FGD2: variants seen among roughly 807,000 people sequenced by gnomAD.
The protein encoded by FGD2 is FYVE, RhoGEF and PH domain containing 2.
A neutral mutation model predicts 75.9 loss-of-function variants in FGD2; 52 were observed. That is an observed-to-expected ratio of 0.69 (90% CI 0.55 to 0.86). The LOEUF is 0.86. Ranked by LOEUF, FGD2 falls within the 40% of genes least tolerant of loss-of-function variation. FGD2 has a pLI of 0.00. For synonymous variants in FGD2, 347 were observed against 348.6 expected (o/e 1.00, Z 0.05); for missense variants, 790 against 872.0 (o/e 0.91, Z 1.18).
intron 1 of FGD2, among the ~76,000 whole-genome samples, chr6:37,006,537 G>A (rs1270479170): frequency 6.6e-6 from 1 of 152,200 alleles, no homozygotes; most frequent in Non-Finnish European, 1.5e-5. Flanking sequence ...CAATGCTGGG[G>A]CGTCTGTCTG....
chr6:37,005,985 C>G, intron 1 of FGD2, 100 bp downstream of exon 1: 1 of 1,334,990 alleles, frequency 7.5e-7, no homozygotes. Context: ...GGACCCTCCT[C>G]CTGCAGGGGC....
chr6:37,007,840 G>A (rs1764824535), intron 1 of FGD2, among the ~76,000 whole-genome samples: 1 of 152,198 alleles, frequency 6.6e-6, no homozygotes, highest in Admixed American at 6.5e-5. Context: ...AGGGGTGGGA[G>A]AGCCTGGGAG....
chr6:37,009,267 A>C (rs1450531552), intron 2 of FGD2: 1 of 547,758 alleles, frequency 1.8e-6, no homozygotes, highest in Non-Finnish European at 3.2e-6. Flanking sequence ...GTGCTGGATT[A>C]CTTCGCGAGT....
intron 9 of FGD2, among the ~76,000 whole-genome samples, chr6:37,018,661 T>C (rs1561936165): frequency 6.6e-6 from 1 of 152,188 alleles, no homozygotes; most frequent in African/African-American, 2.4e-5. Context: ...GGTTGTACAC[T>C]GCACAAGGAT....
Position 37,015,838 on chromosome 6 carries a change from G to A in FGD2, c.1100G>A (p.Arg367His), listed in dbSNP as rs1422414787. The stretch of plus-strand genomic sequence containing the variant: ...GGCGCCCAGTTCCAGGTGAGGACCC[G>A]CATCGATGTGGCCGGGATGAAGGTA... ...QVGAQFQVRT[R>H]IDVAGMKVRE... The change falls in exon 9 of 16, where the codon CGC becomes CAC. Residue 367 changes from arginine to histidine, a missense_variant. Arg to His is a conservative substitution (Grantham distance 29, BLOSUM62 0). Transcript: ENST00000274963. 2.8e-5 allele frequency: 45 copies of A among 1,588,382 alleles called. No individual in the cohort carries two copies. The highest frequency in any genetic ancestry group is 9.2e-5 in the South Asian group (8 of 86,588).
At chr6:37,014,512 G>C in intron 6 of FGD2, 134 bp from the exon 7 acceptor site, 1 of 987,820 alleles carries the variant, frequency 1.0e-6, no homozygotes, top group Non-Finnish European at 1.5e-6. Context: ...CCATGGCTGG[G>C]CTGCACAGGC....
At chr6:37,020,684 A>C in intron 10 of FGD2, 25 bp from the exon 11 acceptor site, 7 of 1,576,734 alleles carry the variant, frequency 4.4e-6, no homozygotes, top group Non-Finnish European at 6.0e-6. Context: ...GATCTCCTCA[A>C]CACCTGTGTT....
In FGD2 at chr6:37,011,002, G is replaced by T. The variant is rs968490642; in HGVS notation, c.330G>T (p.Leu110=). Reference sequence around the variant, plus strand: ...CAGAGAAGAAGATCGTCCAGGAGCTGCTGGAGACAGAGCAGGCCTATGTGG... The same window carrying T: ...CAGAGAAGAAGATCGTCCAGGAGCTTCTGGAGACAGAGCAGGCCTATGTGG... ...QEPEKKIVQE[L]LETEQAYVAR... Residue 110 remains leucine (L), a synonymous_variant, in exon 3 of 16, where the codon CTG becomes CTT. Transcript: ENST00000274963. 1 of 1,614,162 alleles carries T rather than the reference G, an allele frequency of 6.2e-7. No homozygotes were observed. Among genetic ancestry groups the T allele is most frequent in the Non-Finnish European group, 8.5e-7 (1 of 1,180,022 alleles).
rs1765530618 is a variant in FGD2 at position 37,020,585 on chromosome 6, G to A, written c.1167G>A (p.Val389=). The stretch of plus-strand genomic sequence containing the variant: ...CTGAGTTTCCCCACTCCTTCCTGGT[G>A]TCCGGGAAGCAGCGCACCCTGGAGC... ...MDAEFPHSFL[V]SGKQRTLELQ... is the part of the protein sequence containing the mutation. The change falls in exon 10 of 16, where the codon GTG becomes GTA. Residue 389 remains valine (V), a synonymous_variant. Transcript: ENST00000274963. 5.0e-6 allele frequency: 8 copies of A among 1,609,412 alleles called. No individual in the cohort carries two copies. Among genetic ancestry groups the A allele is most frequent in the Admixed American group, 1.7e-5 (1 of 59,452 alleles).
rs1306975693 is a variant in FGD2 at position 37,006,001 on chromosome 6, C to T, written c.68+116C>T. ...GACCCTCCTCCTGCAGGGGCAGCCC[C>T]GCGTTCCTCGGTCACGGATTCCTTG... On this transcript the variant is annotated intron_variant, in intron 1 of 15. Coordinates refer to ENST00000274963, the MANE Select transcript of FGD2 (RefSeq NM_173558.4). 4.8e-5 allele frequency: 56 copies of T among 1,171,524 alleles called. No homozygotes were observed. In the Admixed American group the frequency reaches 7.0e-4, roughly 15 times the overall value. 72.6% of individuals were successfully genotyped at this position (1,171,524 alleles called of 1,614,324 possible). A position where few individuals can be genotyped will look rare whatever the true frequency, so the allele number is the denominator to read the frequency against.
intron 11 of FGD2, among the ~76,000 whole-genome samples, chr6:37,021,006 G>A (rs1255853868): frequency 3.4e-5 from 5 of 148,552 alleles, no homozygotes; most frequent in African/African-American, 1.0e-4. Flanking sequence ...GCATGTGTGT[G>A]CGTGTGTACA....
In FGD2 at chr6:37,028,112, G is replaced by A. The variant is rs1401682269; in HGVS notation, c.1917G>A (p.Ala639=). The change falls in exon 16 of 16, where the codon GCG becomes GCA. Residue 639 remains alanine, a synonymous_variant. Coordinates refer to ENST00000274963, the MANE Select transcript of FGD2 (RefSeq NM_173558.4). ...KGRWVKAMER[A]ASGWSPSWPN... ...GCTGGGTGAAGGCCATGGAGCGGGC[G>A]GCCAGTGGCTGGAGCCCCAGCTGGC... The A allele has an allele frequency of 4.3e-6, 7 of 1,610,496 alleles. No individual in the cohort carries two copies. The highest frequency in any genetic ancestry group is 4.2e-6 in the Non-Finnish European group (5 of 1,178,496).
At chr6:37,011,398 G>A (rs1003871386) in intron 3 of FGD2, 2 of 554,276 alleles carry the variant, frequency 3.6e-6, no homozygotes, top group African/African-American at 1.9e-5. Flanking sequence ...AGGCTAGAGG[G>A]TTATTCATCA....
At chr6:37,011,528 C>T (rs1765003361) in intron 3 of FGD2, 178 bp from the exon 4 acceptor site, 2 of 802,356 alleles carry the variant, frequency 2.5e-6, no homozygotes, top group Non-Finnish European at 4.0e-6. Context: ...CCTTGCTCAT[C>T]TGTAAAGTGG....
intron 10 of FGD2, 27 bp downstream of exon 10, chr6:37,020,647 G>A (rs1765534482): frequency 1.3e-6 from 2 of 1,588,956 alleles, no homozygotes; most frequent in Admixed American, 3.6e-5. Context: ...GGCGGCCCAG[G>A]GCCAGGCGGG....
In FGD2 at chr6:37,028,096, A is replaced by C; in HGVS notation, c.1901A>C (p.Lys634Thr). Residue 634 changes from lysine to threonine, a missense_variant, in exon 16 of 16, where the codon AAG (lysine) becomes ACG (threonine). Lys to Thr is a moderately conservative substitution (Grantham distance 78, BLOSUM62 -1). Transcript: ENST00000274963. ...GAGGAGCTGAAGGGCCGCTGGGTGA[A>C]GGCCATGGAGCGGGCGGCCAGTGGC... ...ETEELKGRWV[K>T]AMERAASGWS... 2 of 1,612,792 alleles carry C rather than the reference A, an allele frequency of 1.2e-6. No homozygotes were observed. Among genetic ancestry groups the C allele is most frequent in the Non-Finnish European group, 1.7e-6 (2 of 1,179,580 alleles).
At position 37,008,895 on chromosome 6, in the gene FGD2, A is replaced by C. The variant is rs768128636; in HGVS notation, c.130A>C (p.Arg44=). The part of the protein sequence containing the change: ...LEDVHHRPEC[R]PPESPGPREK... ...GGACGTGCATCACCGCCCTGAGTGC[A>C]GGCCTCCCGAGTCCCCAGGACCACG... Residue 44 remains arginine (R), a synonymous_variant, in exon 2 of 16, where the codon AGG becomes CGG. Coordinates refer to ENST00000274963, the MANE Select transcript of FGD2 (RefSeq NM_173558.4). The C allele has an allele frequency of 6.2e-7, 1 of 1,614,076 alleles. No homozygotes were observed. Among genetic ancestry groups the C allele is most frequent in the East Asian group, 2.2e-5 (1 of 44,878 alleles).
intron 13 of FGD2, chr6:37,024,729 G>T (rs1430490534): frequency 6.6e-6 from 1 of 152,198 alleles, no homozygotes; most frequent in African/African-American, 2.4e-5. Context: ...TGAAGCCCCC[G>T]TGTGGGGCTG....
rs751373368 is a variant in FGD2 at position 37,005,905 on chromosome 6, G to A, written c.68+20G>A. Reference sequence around the variant, plus strand: ...TAGCAGGTATGGGCAGCTGGGGTGGGAGGGTCACCATGGTGGGCTGGCAGC... The same window carrying A: ...TAGCAGGTATGGGCAGCTGGGGTGGAAGGGTCACCATGGTGGGCTGGCAGC... On this transcript the variant is annotated intron_variant, in intron 1 of 15. Transcript: ENST00000274963. 2 of 1,612,066 alleles carry A rather than the reference G, an allele frequency of 1.2e-6. No homozygotes were observed. The highest frequency in any genetic ancestry group is 2.2e-5 in the East Asian group (1 of 44,854).
Sources: gnomAD v4.1 joint callset for allele counts (sites outside exome capture counted in the v4.1 genomes callset) on GRCh38, gnomAD v4.1.1 for gene constraint, MANE v1.5 for transcripts, NCBI Gene and HGNC (gene_info 2026-07-23, HGNC 2026-07-21) for gene names.